Variants in C12orf42 observed in about 807,000 individuals in gnomAD.
C12orf42 encodes chromosome 12 open reading frame 42, also known as uncharacterized protein C12orf42.
C12orf42 carries 25 observed loss-of-function variants against 21.6 expected under a neutral mutation model. The observed-to-expected ratio is 1.16, with a 90% CI of 0.84 to 1.62. The LOEUF (loss-of-function observed/expected upper bound fraction) is 1.62. Among genes scored for constraint, C12orf42 ranks in the 40% most tolerant of loss-of-function variants. The pLI is 0.00. For missense variants in C12orf42, 483 were observed against 459.3 expected (o/e 1.05, Z -0.47); for synonymous variants, 174 against 175.0 (o/e 0.99, Z 0.05).
chr12:103,111,295 G>A, the C12orf42 span, among the ~76,000 whole-genome samples: 1 of 152,112 alleles, frequency 6.6e-6, no homozygotes, highest in African/African-American at 2.4e-5. Flanking sequence ...TCTCCTGTCT[G>A]AGGGTAATTT....
the C12orf42 span, among the ~76,000 whole-genome samples, chr12:103,518,533 A>G: frequency 2.0e-5 from 3 of 152,210 alleles, no homozygotes; most frequent in Admixed American, 1.3e-4. Context: ...CAAGTCTTAT[A>G]TGGGTGGTCC....
intron 2 of C12orf42, among the ~76,000 whole-genome samples, chr12:103,439,971 T>C (rs369460154): frequency 8.0e-5 from 12 of 149,666 alleles, no homozygotes; most frequent in African/African-American, 2.2e-4. Flanking sequence ...ATGTTTATTG[T>C]GGCATTATTC....
the C12orf42 span, among the ~76,000 whole-genome samples, chr12:103,094,878 A>G: frequency 6.6e-6 from 1 of 152,224 alleles, no homozygotes; most frequent in Non-Finnish European, 1.5e-5. Flanking sequence ...TGAGCTAAGT[A>G]GTGTTGAGTA....
At chr12:103,333,714 A>T (rs897223997) in intron 4 of C12orf42, among the ~76,000 whole-genome samples, 2 of 152,176 alleles carry the variant, frequency 1.3e-5, no homozygotes, top group African/African-American at 4.8e-5. Flanking sequence ...TCAGAGATAG[A>T]ATTTCAAAAT....
In C12orf42 at chr12:103,368,706, T is replaced by C. The variant is rs565522557; in HGVS notation, c.259+181A>G. Among the ~76,000 whole-genome samples the C allele has an allele frequency of 3.3e-5, 5 of 152,214 alleles. No individual in the cohort carries two copies. In the East Asian group the frequency reaches 5.8e-4, roughly 18 times the overall value. On this transcript the variant is annotated intron_variant, in intron 4 of 5. Transcript: ENST00000548883. The stretch of plus-strand genomic sequence containing the variant: ...TATTGGTGAACACTGGATCCAGCCA[T>C]GCCCTAAGCCAGTCCATCTTTGGAT...
the C12orf42 span, among the ~76,000 whole-genome samples, chr12:103,221,335 CTA>C: frequency 1.2e-4 from 18 of 152,164 alleles, no homozygotes; most frequent in Non-Finnish European, 1.9e-4. Context: ...ATGCCAAACT[CTA>C]TGAGATGAGC....
At chr12:103,355,103 T>C (rs1373457375) in intron 4 of C12orf42, among the ~76,000 whole-genome samples, 1 of 152,124 alleles carries the variant, frequency 6.6e-6, no homozygotes, top group Non-Finnish European at 1.5e-5. Flanking sequence ...ATAGAACTCA[T>C]TGTCAGCTGC....
chr12:103,369,211 G>A (rs1346216214), intron 3 of C12orf42, among the ~76,000 whole-genome samples: 1 of 151,746 alleles, frequency 6.6e-6, no homozygotes, highest in Non-Finnish European at 1.5e-5. Context: ...CATTAAAGAG[G>A]CTAATTAACT....
At chr12:103,067,329 G>A in the C12orf42 span, among the ~76,000 whole-genome samples, 24 of 152,192 alleles carry the variant, frequency 1.6e-4, no homozygotes, top group East Asian at 7.7e-4. Flanking sequence ...CTCACTTTAC[G>A]GCTGAAGAAG....
chr12:103,311,890 T>C (rs1488797448), intron 4 of C12orf42, among the ~76,000 whole-genome samples: 4 of 152,202 alleles, frequency 2.6e-5, no homozygotes, highest in Non-Finnish European at 5.9e-5. Flanking sequence ...GGCAGGGAGC[T>C]ACTGATCTCA....
chr12:103,331,846 G>T (rs1261552755), intron 4 of C12orf42, among the ~76,000 whole-genome samples: 1 of 152,184 alleles, frequency 6.6e-6, no homozygotes, highest in East Asian at 1.9e-4. Context: ...TTGCCCACAA[G>T]GGGGAAGACA....
the C12orf42 span, among the ~76,000 whole-genome samples, chr12:103,057,783 T>G: frequency 6.6e-6 from 1 of 152,104 alleles, no homozygotes; most frequent in Non-Finnish European, 1.5e-5. Flanking sequence ...CCACACCATC[T>G]TCTACAATGG....
chr12:103,083,220 C>T, the C12orf42 span, among the ~76,000 whole-genome samples: 1 of 152,024 alleles, frequency 6.6e-6, no homozygotes, highest in African/African-American at 2.4e-5. Flanking sequence ...AAAAATTAGC[C>T]AGACATGATG....
the C12orf42 span, among the ~76,000 whole-genome samples, chr12:103,134,510 A>G: frequency 7.9e-6 from 1 of 127,222 alleles, no homozygotes; most frequent in Non-Finnish European, 1.8e-5. Context: ...TAGATCAAGC[A>G]GAAGAAAGAA....
the C12orf42 span, among the ~76,000 whole-genome samples, chr12:103,129,556 G>A: frequency 6.6e-6 from 1 of 152,150 alleles, no homozygotes; most frequent in Non-Finnish European, 1.5e-5. Flanking sequence ...CTTCTTACAT[G>A]TCAAGCTCAT....
rs78432565 is a variant in C12orf42 at position 103,246,661 on chromosome 12, T to C, written c.*1367-8759A>G. Among the ~76,000 whole-genome samples, 308 of 152,204 alleles carry C rather than the reference T, an allele frequency of 2.0e-3. 2 individuals carry two copies. The highest frequency in any genetic ancestry group is 6.8e-3 in the Middle Eastern group (2 of 294). ...AAGATTTAATATCTTTTTAAAGACATAGACCTGAGTGAAAGGGATTATCTA... is the reference window on the plus strand; with the variant it reads ...AAGATTTAATATCTTTTTAAAGACACAGACCTGAGTGAAAGGGATTATCTA... On this transcript the variant is annotated intron_variant and NMD_transcript_variant, in intron 10 of 10. Coordinates refer to the C12orf42 transcript ENST00000547347.
chr12:103,053,984 G>T, the C12orf42 span, among the ~76,000 whole-genome samples: 2 of 151,744 alleles, frequency 1.3e-5, no homozygotes, highest in Non-Finnish European at 3.0e-5. Flanking sequence ...CACACAGTTT[G>T]ATTACTGCAC....
intron 2 of C12orf42, among the ~76,000 whole-genome samples, chr12:103,452,862 A>C (rs1375718592): frequency 2.0e-5 from 3 of 150,544 alleles, no homozygotes; most frequent in African/African-American, 7.3e-5. Flanking sequence ...AACATCACAC[A>C]CTGGGGCCTG....
At chr12:103,343,844 T>C (rs2042385681) in intron 4 of C12orf42, among the ~76,000 whole-genome samples, 1 of 151,602 alleles carries the variant, frequency 6.6e-6, no homozygotes. Context: ...GCATTTCAGA[T>C]GCCAGAATTT....
Sources: gnomAD v4.1 joint callset for allele counts (sites outside exome capture counted in the v4.1 genomes callset) on GRCh38, gnomAD v4.1.1 for gene constraint, MANE v1.5 for transcripts, NCBI Gene and HGNC (gene_info 2026-07-23, HGNC 2026-07-21) for gene names.